The following ADD2 variants were observed in gnomAD, a reference collection of about 807,000 sequenced individuals.
ADD2 encodes adducin 2, also known as beta-adducin.
In ADD2, 23 loss-of-function variants were observed where a neutral mutation model predicts 83.0. The observed-to-expected ratio is 0.28, with a 90% CI of 0.20 to 0.39. The LOEUF (loss-of-function observed/expected upper bound fraction) is 0.39. ADD2 is among the 10% of genes least tolerant of loss of function. The pLI is 1.00. For missense variants in ADD2, 758 were observed against 944.9 expected, an observed-to-expected ratio of 0.80 and a Z score of 2.59; for synonymous variants, 375 against 375.4, an observed-to-expected ratio of 1.00 and a Z score of 0.01.
At position 70,706,648 on chromosome 2, in the gene ADD2, T is replaced by C. The variant is rs868951898; in HGVS notation, c.-34-206A>G. Among the ~76,000 whole-genome samples, 1 of 152,118 alleles carries C rather than the reference T, an allele frequency of 6.6e-6. No homozygotes were observed. Among genetic ancestry groups the C allele is most frequent in the Non-Finnish European group, 1.5e-5 (1 of 68,014 alleles). ...TAGGGGCGCTGCTGTGCCATGAGAC[T>C]AAGTAAAAACATGGGTTCAGGTGTC... On this transcript the variant is annotated intron_variant, in intron 2 of 15. Transcript: ENST00000264436. This position sits in a 1 kb window ranked among gnomAD's most constrained non-coding sequence, Gnocchi z 5.0.
At chr2:70,699,017 G>C (rs1238574709) in intron 4 of ADD2, among the ~76,000 whole-genome samples, 1 of 152,054 alleles carries the variant, frequency 6.6e-6, no homozygotes, top group Non-Finnish European at 1.5e-5. Context: ...AGATATCCTG[G>C]ATGTGTACCA....
At chr2:70,694,589 T>C (rs1671212318) in intron 6 of ADD2, among the ~76,000 whole-genome samples, 1 of 152,138 alleles carries the variant, frequency 6.6e-6, no homozygotes, top group East Asian at 1.9e-4. Context: ...GCATCTGGGT[T>C]TGATGCATGC....
chr2:70,692,582 C>CA lies in ADD2; in HGVS notation c.556-31dup. The CA allele has an allele frequency of 4.5e-6, 7 of 1,560,614 alleles. No individual in the cohort carries two copies. The South Asian group carries it at 8.4e-5, about 19-fold the overall frequency. The stretch of plus-strand genomic sequence containing the variant: ...GCCAGGGAAGAAGAGAGACTTATGG[C>CA]AACAGGGTGGCCGAGGCCCCGCACT... On this transcript the variant is annotated intron_variant, in intron 6 of 15. Coordinates refer to ENST00000264436, the MANE Select transcript of ADD2 (RefSeq NM_001617.4).
intron 1 of ADD2, among the ~76,000 whole-genome samples, chr2:70,764,405 G>A (rs1553385587): frequency 6.6e-6 from 1 of 151,830 alleles, no homozygotes; most frequent in Admixed American, 6.6e-5. Context: ...GTCGCCAGGA[G>A]CTGTTCTTTT....
At position 70,683,672 on chromosome 2, in the gene ADD2, G is replaced by A. The variant is rs376528363; in HGVS notation, c.1044C>T (p.Ala348=). 15 of 1,614,006 alleles carry A rather than the reference G, an allele frequency of 9.3e-6. No homozygotes were observed. Among genetic ancestry groups the A allele is most frequent in the Middle Eastern group, 3.3e-4 (2 of 6,082 alleles). ...RPHEVGSVQW[A]GSTFGPMQKS... ...TCTGCATAGGCCCAAAGGTGCTCCCGGCCCACTGCACGGAGCCCACCTCAT... is the reference window on the plus strand; with the variant it reads ...TCTGCATAGGCCCAAAGGTGCTCCCAGCCCACTGCACGGAGCCCACCTCAT... The change falls in exon 10 of 16, where the codon GCC becomes GCT. Residue 348 remains alanine (A), a synonymous_variant. Coordinates refer to ENST00000264436, the MANE Select transcript of ADD2 (RefSeq NM_001617.4).
At chr2:70,686,449 C>A (rs892994624) in intron 9 of ADD2, among the ~76,000 whole-genome samples, 1 of 152,150 alleles carries the variant, frequency 6.6e-6, no homozygotes, top group Non-Finnish European at 1.5e-5. Context: ...CTTGAAACTG[C>A]CCAGAAACTG....
intron 1 of ADD2, among the ~76,000 whole-genome samples, chr2:70,758,821 T>G (rs34297533): frequency 0.14 from 20,894 of 151,720 alleles, 1,620 homozygotes; most frequent in Middle Eastern, 0.28. Context: ...AATAATAAAC[T>G]ATGGATGGAG....
At chr2:70,759,748 G>A (rs1297721303) in intron 1 of ADD2, among the ~76,000 whole-genome samples, 1 of 152,162 alleles carries the variant, frequency 6.6e-6, no homozygotes, top group Non-Finnish European at 1.5e-5. Context: ...CAGTCTTCCA[G>A]CCAGTAGAAT....
chr2:70,718,931 C>G (rs1010079102), intron 1 of ADD2, among the ~76,000 whole-genome samples: 14 of 152,196 alleles, frequency 9.2e-5, no homozygotes, highest in Non-Finnish European at 1.9e-4. Context: ...ATATTCCTGG[C>G]AGAAGCCTTG....
chr2:70,759,491 G>A (rs1674971155), intron 1 of ADD2, among the ~76,000 whole-genome samples: 1 of 152,144 alleles, frequency 6.6e-6, no homozygotes, highest in South Asian at 2.1e-4. Context: ...CATGTTGAAG[G>A]AGGGGGTACC....
chr2:70,701,691 C>A (rs1671591859), intron 4 of ADD2, among the ~76,000 whole-genome samples: 1 of 152,078 alleles, frequency 6.6e-6, no homozygotes. Context: ...CATGCACACA[C>A]ACACTTATAT....
intron 14 of ADD2, 99 bp downstream of exon 14, chr2:70,674,579 C>T (rs1553367818): frequency 2.3e-6 from 3 of 1,297,354 alleles, no homozygotes; most frequent in African/African-American, 3.0e-5. Flanking sequence ...TAGAAATATT[C>T]TTTGATGATG....
chr2:70,675,259 C>G (rs1204481666), intron 13 of ADD2: 1 of 1,004,680 alleles, frequency 1.0e-6, no homozygotes, highest in East Asian at 9.9e-5. Context: ...TCCCCGCCCC[C>G]ACAGCAGTGC....
chr2:70,676,853 T>C lies in ADD2; in HGVS notation c.1536A>G (p.Ser512=). 6.2e-7 allele frequency: 1 copy of C among 1,614,112 alleles called. No individual in the cohort carries two copies. The highest frequency in any genetic ancestry group is 8.5e-7 in the Non-Finnish European group (1 of 1,179,966). ...CCAGGAGCTGGGACTGAGGCCCCGCTGACTTCACATCTTGTCGGTTTTGTT... is the reference window on the plus strand; with the variant it reads ...CCAGGAGCTGGGACTGAGGCCCCGCCGACTTCACATCTTGTCGGTTTTGTT... ...IREQNRQDVK[S]AGPQSQLLAS... is the part of the protein sequence containing the mutation. Residue 512 remains serine, a synonymous_variant, in exon 13 of 16, where the codon TCA becomes TCG. Coordinates refer to ENST00000264436, the MANE Select transcript of ADD2 (RefSeq NM_001617.4). This position sits in a 1 kb window ranked among gnomAD's most constrained non-coding sequence, Gnocchi z 4.8.
chr2:70,687,781 C>T (rs2074819), intron 9 of ADD2, among the ~76,000 whole-genome samples: 44,024 of 151,990 alleles, frequency 0.29, 6,702 homozygotes, highest in East Asian at 0.44. Flanking sequence ...GCACTGACCC[C>T]TAAGAAGTGG....
chr2:70,734,355 C>T (rs1370440018), intron 1 of ADD2, among the ~76,000 whole-genome samples: 1 of 152,018 alleles, frequency 6.6e-6, no homozygotes, highest in Non-Finnish European at 1.5e-5. Context: ...ACCCCCACCC[C>T]TCACCCCCTC....
Position 70,657,331 on chromosome 2 carries a change from C to T in ADD2, c.*6094G>A. The T allele has an allele frequency of 6.6e-6, 1 of 152,266 alleles. No individual in the cohort carries two copies. The highest frequency in any genetic ancestry group is 1.9e-4 in the East Asian group (1 of 5,198). 9.4% of individuals were successfully genotyped at this position (152,266 alleles called of 1,614,324 possible). A position where few individuals can be genotyped will look rare whatever the true frequency, so the allele number is the denominator to read the frequency against. ...AAACCATCCATAGCTTTAGAGAACA[C>T]TGCATTCTATCTAGACTGGGTTCCT... is the stretch of plus-strand genomic sequence containing the variant. On this transcript the variant is annotated 3_prime_UTR_variant, in exon 16 of 16. Transcript: ENST00000264436.
Position 70,706,103 on chromosome 2 carries a change from TG to T in ADD2, c.183+122del. ...AGGTGACCAGATCCGTCTTGCTCAG[TG>T]GGCTTACATTTCTACTGACCCTGAG... On this transcript the variant is annotated intron_variant, in intron 3 of 15. Transcript: ENST00000264436. The surrounding 1 kb of genome is among the most constrained non-coding windows in gnomAD (Gnocchi z 5.0). The T allele has an allele frequency of 9.7e-7, 1 of 1,026,404 alleles. No homozygotes were observed. Among genetic ancestry groups the T allele is most frequent in the Non-Finnish European group, 1.4e-6 (1 of 707,108 alleles). 63.6% of individuals were successfully genotyped at this position (1,026,404 alleles called of 1,614,324 possible). A position where few individuals can be genotyped will look rare whatever the true frequency, so the allele number is the denominator to read the frequency against.
chr2:70,712,377 G>C (rs1574276116), intron 2 of ADD2, among the ~76,000 whole-genome samples: 1 of 150,082 alleles, frequency 6.7e-6, no homozygotes, highest in African/African-American at 2.5e-5. Context: ...CTGGGAGGCA[G>C]AGGTTGCAGT....
Sources: allele counts gnomAD v4.1 joint callset (sites outside exome capture counted in the v4.1 genomes callset), GRCh38; gene constraint gnomAD v4.1.1; non-coding constraint Gnocchi (gnomAD v3.1); transcripts MANE v1.5; gene names NCBI Gene and HGNC (gene_info 2026-07-23, HGNC 2026-07-21).